The following GABRG3 variants were observed in gnomAD, a reference collection of about 807,000 sequenced individuals.
GABRG3 encodes the protein gamma-aminobutyric acid receptor subunit gamma-3.
Under a neutral mutation model 48.8 loss-of-function variants are expected in GABRG3, and 25 were observed. The observed-to-expected ratio is 0.51, with a 90% CI of 0.37 to 0.72. The LOEUF is 0.72. Among genes scored for constraint, GABRG3 ranks in the 30% least tolerant of loss-of-function variants. GABRG3 has a pLI of 0.00. For synonymous variants in GABRG3, 227 were observed against 217.6 expected (o/e 1.04, Z -0.38); for missense variants, 394 against 577.9 (o/e 0.68, Z 3.26).
At position 27,352,950 on chromosome 15, in the gene GABRG3, C is replaced by T. The variant is rs917982909; in HGVS notation, c.574+24062C>T. Among the ~76,000 whole-genome samples the T allele has an allele frequency of 3.3e-5, 5 of 152,162 alleles. No individual in the cohort carries two copies. Among genetic ancestry groups the T allele is most frequent in the African/African-American group, 1.2e-4 (5 of 41,418 alleles). ...AATGAGCCATTGAAAGCGAGTGGATCGTTTGATGGTTGGGTGTTAGGTATT... is the reference window on the plus strand; with the variant it reads ...AATGAGCCATTGAAAGCGAGTGGATTGTTTGATGGTTGGGTGTTAGGTATT... On this transcript the variant is annotated intron_variant, in intron 5 of 9. Transcript: ENST00000615808. The surrounding 1 kb of genome is among the most constrained non-coding windows in gnomAD (Gnocchi z 4.0).
At chr15:27,135,411 C>T (rs1487528836) in intron 3 of GABRG3, among the ~76,000 whole-genome samples, 2 of 152,122 alleles carry the variant, frequency 1.3e-5, no homozygotes, top group East Asian at 1.9e-4. Context: ...TCATAAGCAG[C>T]GAGGGGAATT....
chr15:27,198,387 A>T (rs1043932639), intron 3 of GABRG3, among the ~76,000 whole-genome samples: 5 of 152,242 alleles, frequency 3.3e-5, no homozygotes, highest in African/African-American at 1.2e-4. Flanking sequence ...CAAAAAACAT[A>T]TGAAAAAAAG....
chr15:27,393,122 G>GA (rs1887189746), intron 5 of GABRG3, among the ~76,000 whole-genome samples: 1 of 152,130 alleles, frequency 6.6e-6, no homozygotes, highest in Non-Finnish European at 1.5e-5. Context: ...AAGGCGGGCA[G>GA]ATCACGAGGT....
intron 7 of GABRG3, among the ~76,000 whole-genome samples, chr15:27,522,210 C>A (rs1272209361): frequency 6.6e-6 from 1 of 152,012 alleles, no homozygotes; most frequent in Non-Finnish European, 1.5e-5. Context: ...CAGTTGCCAT[C>A]TTTAAAGTAC....
chr15:27,307,796 A>C (rs1187700568), intron 3 of GABRG3, among the ~76,000 whole-genome samples: 5 of 132,456 alleles, frequency 3.8e-5, no homozygotes, highest in African/African-American at 1.1e-4. Context: ...ACATATATAT[A>C]AAATAAACAT....
At chr15:27,317,442 C>T (rs1373935666) in intron 3 of GABRG3, among the ~76,000 whole-genome samples, 1 of 152,200 alleles carries the variant, frequency 6.6e-6, no homozygotes, top group Admixed American at 6.5e-5. Context: ...CCTTTGATGG[C>T]CACTGTTTCT....
intron 3 of GABRG3, among the ~76,000 whole-genome samples, chr15:27,235,672 A>G (rs1358595743): frequency 6.6e-6 from 1 of 152,194 alleles, no homozygotes; most frequent in Non-Finnish European, 1.5e-5. Context: ...GTTTATTGAC[A>G]CGTATGCCTC....
chr15:27,336,758 A>G (rs1893990692), intron 5 of GABRG3, among the ~76,000 whole-genome samples: 1 of 152,232 alleles, frequency 6.6e-6, no homozygotes, highest in Admixed American at 6.5e-5. Context: ...AACCAGAAAC[A>G]GCCCTCATGT....
chr15:27,385,970 G>A (rs1895908901), intron 5 of GABRG3, among the ~76,000 whole-genome samples: 1 of 152,122 alleles, frequency 6.6e-6, no homozygotes, highest in Non-Finnish European at 1.5e-5. Context: ...GTTGAAAACT[G>A]CGTATTTTAG....
chr15:27,474,514 T>C (rs1316027358), intron 5 of GABRG3, among the ~76,000 whole-genome samples: 1 of 152,084 alleles, frequency 6.6e-6, no homozygotes, highest in Non-Finnish European at 1.5e-5. Context: ...CTCCAGCGCT[T>C]TGGAAGGGCC....
intron 3 of GABRG3, among the ~76,000 whole-genome samples, chr15:27,279,265 G>A (rs1264654879): frequency 6.6e-6 from 1 of 152,022 alleles, no homozygotes. Context: ...TTTAAATTTT[G>A]AAGTCCTGAT....
intron 5 of GABRG3, among the ~76,000 whole-genome samples, chr15:27,401,490 A>G (rs1303741967): frequency 6.6e-6 from 1 of 152,226 alleles, no homozygotes; most frequent in Non-Finnish European, 1.5e-5. Context: ...TTCAATGTAG[A>G]TTCTGGATCG....
intron 3 of GABRG3, among the ~76,000 whole-genome samples, chr15:27,279,613 T>C (rs1891367765): frequency 1.3e-5 from 2 of 152,200 alleles, no homozygotes; most frequent in South Asian, 4.1e-4. Flanking sequence ...CTCTGTTTTA[T>C]TGATCGATGT....
At chr15:27,307,238 G>A (rs1266791751) in intron 3 of GABRG3, among the ~76,000 whole-genome samples, 1 of 125,856 alleles carries the variant, frequency 7.9e-6, no homozygotes, top group African/African-American at 2.9e-5. Flanking sequence ...TATATTATAT[G>A]TTTATATATA....
At chr15:27,077,013 G>C (rs553253373) in intron 3 of GABRG3, among the ~76,000 whole-genome samples, 2 of 152,174 alleles carry the variant, frequency 1.3e-5, no homozygotes, top group African/African-American at 2.4e-5. Context: ...GCTCCAACCC[G>C]AGGCTGCCCT....
intron 3 of GABRG3, among the ~76,000 whole-genome samples, chr15:27,046,431 C>G (rs12910388): frequency 0.79 from 120,193 of 152,162 alleles, 47,656 homozygotes; most frequent in East Asian, 0.96. Context: ...AGTTGTTTCC[C>G]CTTACTCAGT....
intron 6 of GABRG3, among the ~76,000 whole-genome samples, chr15:27,500,101 G>A (rs879338285): frequency 2.6e-5 from 4 of 152,168 alleles, no homozygotes; most frequent in Admixed American, 2.0e-4. Context: ...TGGACTTTAC[G>A]TTATCAGCTG....
At chr15:27,469,751 G>T (rs1406488252) in intron 5 of GABRG3, among the ~76,000 whole-genome samples, 1 of 152,154 alleles carries the variant, frequency 6.6e-6, no homozygotes, top group Non-Finnish European at 1.5e-5. Flanking sequence ...TATTCTCATG[G>T]TGTCATGTAA....
chr15:27,344,176 A>G (rs1286858318), intron 5 of GABRG3, among the ~76,000 whole-genome samples: 2 of 152,198 alleles, frequency 1.3e-5, no homozygotes, highest in African/African-American at 2.4e-5. Flanking sequence ...GAGGAGCAGC[A>G]TGAATTTTCT....
Sources: gnomAD v4.1 joint callset for allele counts (sites outside exome capture counted in the v4.1 genomes callset) on GRCh38, gnomAD v4.1.1 for gene constraint, Gnocchi (gnomAD v3.1) non-coding constraint, MANE v1.5 for transcripts, NCBI Gene and HGNC (gene_info 2026-07-23, HGNC 2026-07-21) for gene names.